Variants in MEIS2 observed in about 807,000 individuals in gnomAD.
The protein encoded by MEIS2 is homeobox protein Meis2.
In MEIS2, 9 loss-of-function variants were observed where a neutral mutation model predicts 58.6. The ratio of observed to expected loss-of-function variants is 0.15; its 90% CI spans 0.09 to 0.27. MEIS2 has a LOEUF of 0.27. Among genes scored for constraint, MEIS2 ranks in the 10% least tolerant of loss-of-function variants. The pLI, the probability that MEIS2 is intolerant of heterozygous loss-of-function variation, is 1.00. For missense variants in MEIS2, 427 were observed against 635.0 expected, an observed-to-expected ratio of 0.67 and a Z score of 3.52; for synonymous variants, 221 against 228.4, an observed-to-expected ratio of 0.97 and a Z score of 0.29.
chr15:36,977,126 CA>C (rs1295500518), intron 8 of MEIS2, among the ~76,000 whole-genome samples: 3 of 151,612 alleles, frequency 2.0e-5, no homozygotes, highest in Non-Finnish European at 2.9e-5. Flanking sequence ...AACTCCATCT[CA>C]AAAAACAAAA....
chr15:36,992,034 G>A (rs1595883528), intron 8 of MEIS2, among the ~76,000 whole-genome samples: 1 of 142,028 alleles, frequency 7.0e-6, no homozygotes, highest in Non-Finnish European at 1.6e-5. Flanking sequence ...TGATCCGCCC[G>A]CCTCGGCCTC....
At chr15:36,924,363 A>C (rs2057655557) in intron 9 of MEIS2, among the ~76,000 whole-genome samples, 1 of 152,262 alleles carries the variant, frequency 6.6e-6, no homozygotes, top group Non-Finnish European at 1.5e-5. Flanking sequence ...GATCGCGGTC[A>C]TGAACATTTC....
chr15:36,949,353 T>A (rs1338104385), intron 9 of MEIS2, among the ~76,000 whole-genome samples: 5 of 152,054 alleles, frequency 3.3e-5, no homozygotes, highest in Non-Finnish European at 1.5e-5. Flanking sequence ...GCGAGCCTGA[T>A]AAACCTAAAA....
intron 9 of MEIS2, among the ~76,000 whole-genome samples, chr15:36,923,007 T>A (rs837135): frequency 2.0e-5 from 3 of 152,146 alleles, no homozygotes; most frequent in African/African-American, 4.8e-5. Flanking sequence ...AAATTAATAA[T>A]GTTCTCTGGA....
intron 8 of MEIS2, among the ~76,000 whole-genome samples, chr15:37,034,439 GC>G (rs1248499491): frequency 6.6e-6 from 1 of 152,184 alleles, no homozygotes; most frequent in East Asian, 1.9e-4. Flanking sequence ...AGAGAATTCT[GC>G]ACAAAGCCTT....
intron 8 of MEIS2, among the ~76,000 whole-genome samples, chr15:37,013,143 C>T (rs895446792): frequency 1.1e-4 from 17 of 152,136 alleles, no homozygotes; most frequent in African/African-American, 4.1e-4. Context: ...CCAGGAGAAT[C>T]CTTCCACTGA....
At chr15:36,895,078 A>G (rs1409938011) in intron 11 of MEIS2, 73 bp downstream of exon 11, 7 of 1,257,484 alleles carry the variant, frequency 5.6e-6, no homozygotes, top group Non-Finnish European at 8.1e-6. Flanking sequence ...GTGGGATAGT[A>G]GAGTGGATGG....
At chr15:37,071,813 G>A (rs1483099214) in intron 7 of MEIS2, among the ~76,000 whole-genome samples, 4 of 152,182 alleles carry the variant, frequency 2.6e-5, no homozygotes, top group East Asian at 1.9e-4. Context: ...TTGCCTGTGA[G>A]TGCTCTATGC....
Position 36,999,079 on chromosome 15 carries a change from C to T in MEIS2, c.900+37735G>A, listed in dbSNP as rs192694461. 6.6e-5 allele frequency among the ~76,000 whole-genome samples: 10 copies of T among 152,232 alleles called. No individual in the cohort carries two copies. The East Asian group carries it at 1.5e-3, about 24-fold the overall frequency. On this transcript the variant is annotated intron_variant, in intron 8 of 11. Coordinates refer to ENST00000561208, the MANE Select transcript of MEIS2 (RefSeq NM_170675.5). The stretch of plus-strand genomic sequence containing the variant: ...CAATTCATCATTTTGAAAATAATTG[C>T]GTATAACTGGCCTGAAGACAAAGCC...
At chr15:36,923,812 C>T (rs117863236) in intron 9 of MEIS2, among the ~76,000 whole-genome samples, 1 of 152,282 alleles carries the variant, frequency 6.6e-6, no homozygotes, top group Non-Finnish European at 1.5e-5. Context: ...AAAAGGGAAG[C>T]ACAAAATACC....
At chr15:36,904,928 C>T (rs995563522) in intron 9 of MEIS2, among the ~76,000 whole-genome samples, 11 of 152,294 alleles carry the variant, frequency 7.2e-5, no homozygotes, top group African/African-American at 2.6e-4. Context: ...ACAGATAAAT[C>T]TGTCAGGCTA....
At chr15:37,009,553 T>C (rs2061056517) in intron 8 of MEIS2, among the ~76,000 whole-genome samples, 1 of 152,230 alleles carries the variant, frequency 6.6e-6, no homozygotes, top group Non-Finnish European at 1.5e-5. Flanking sequence ...ACACAAAAGA[T>C]TGTGTCTATT....
chr15:36,999,686 A>G lies in MEIS2; in HGVS notation c.900+37128T>C, dbSNP rs1483045189. On this transcript the variant is annotated intron_variant, in intron 8 of 11. Coordinates refer to ENST00000561208, the MANE Select transcript of MEIS2 (RefSeq NM_170675.5). ...AACAAACGCACTTTTCCGAAGGCAAACACCTACAGAATTTGCTTAGAAGAT... is the reference window on the plus strand; with the variant it reads ...AACAAACGCACTTTTCCGAAGGCAAGCACCTACAGAATTTGCTTAGAAGAT... 2.6e-5 allele frequency among the ~76,000 whole-genome samples: 4 copies of G among 152,224 alleles called. No individual in the cohort carries two copies. The East Asian group carries it at 7.7e-4, about 29-fold the overall frequency.
rs886708842 is a variant in MEIS2 at position 37,021,394 on chromosome 15, G to A, written c.900+15420C>T. 2.6e-5 allele frequency among the ~76,000 whole-genome samples: 4 copies of A among 152,102 alleles called. No individual in the cohort carries two copies. The South Asian group carries it at 8.3e-4, about 31-fold the overall frequency. ...TTAAGCCACTCCCTCTTTCCCCTAC[G>A]ACTTATGTACATGCTAGAAAGTTCT... On this transcript the variant is annotated intron_variant, in intron 8 of 11. Transcript: ENST00000561208.
At chr15:37,025,643 T>C (rs1450770195) in intron 8 of MEIS2, among the ~76,000 whole-genome samples, 1 of 151,672 alleles carries the variant, frequency 6.6e-6, no homozygotes, top group Non-Finnish European at 1.5e-5. Flanking sequence ...TAACTGATTA[T>C]ATATACATTT....
chr15:36,933,672 A>T (rs540981775), intron 9 of MEIS2, among the ~76,000 whole-genome samples: 28 of 152,230 alleles, frequency 1.8e-4, no homozygotes, highest in African/African-American at 6.5e-4. Context: ...ATTAACAGTG[A>T]AATCGTACTA....
intron 9 of MEIS2, among the ~76,000 whole-genome samples, chr15:36,920,210 C>G (rs901245518): frequency 1.4e-4 from 22 of 151,920 alleles, no homozygotes; most frequent in Non-Finnish European, 2.8e-4. Flanking sequence ...AGTACAATGG[C>G]TCAATCTTGG....
At chr15:36,909,435 G>A (rs969127357) in intron 9 of MEIS2, among the ~76,000 whole-genome samples, 8 of 152,068 alleles carry the variant, frequency 5.3e-5, no homozygotes, top group Non-Finnish European at 8.8e-5. Context: ...CCTTCATCTC[G>A]GATATAACTT....
chr15:37,053,602 C>A (rs2063016578), intron 7 of MEIS2, among the ~76,000 whole-genome samples: 1 of 152,066 alleles, frequency 6.6e-6, no homozygotes, highest in South Asian at 2.1e-4. Flanking sequence ...GCAAATTTCC[C>A]AAAACTGCTG....
Sources: allele counts gnomAD v4.1 joint callset (sites outside exome capture counted in the v4.1 genomes callset), GRCh38; gene constraint gnomAD v4.1.1; transcripts MANE v1.5; gene names NCBI Gene and HGNC (gene_info 2026-07-23, HGNC 2026-07-21).